The following TRMT6 variants were observed in gnomAD, a reference collection of about 807,000 sequenced individuals.
TRMT6 encodes the protein tRNA methyltransferase 6 non-catalytic subunit, also known as tRNA (adenine(58)-N(1))-methyltransferase non-catalytic subunit TRM6.
In TRMT6, 34 loss-of-function variants were observed where a neutral mutation model predicts 59.0. The ratio of observed to expected loss-of-function variants is 0.58; its 90% CI spans 0.44 to 0.77. The LOEUF is 0.77. TRMT6 is among the 30% of genes least tolerant of loss of function. The pLI is 0.00. For missense variants in TRMT6, 575 were observed against 604.5 expected, an observed-to-expected ratio of 0.95 and a Z score of 0.51; for synonymous variants, 217 against 210.5, an observed-to-expected ratio of 1.03 and a Z score of -0.27.
intron 1 of TRMT6, among the ~76,000 whole-genome samples, chr20:5,948,173 G>A (rs2088724263): frequency 6.6e-6 from 1 of 152,174 alleles, no homozygotes; most frequent in South Asian, 2.1e-4. Flanking sequence ...GAGATGGGTG[G>A]GTTTACCTCT....
intron 10 of TRMT6, among the ~76,000 whole-genome samples, chr20:5,939,959 G>T (rs911758671): frequency 1.4e-4 from 22 of 152,214 alleles, no homozygotes; most frequent in Non-Finnish European, 1.3e-4. Context: ...ACCTCCAGCT[G>T]CCGCTCCTTT....
At chr20:5,944,086 T>C in intron 4 of TRMT6, 55 bp from the exon 5 acceptor site, 2 of 1,409,270 alleles carry the variant, frequency 1.4e-6, no homozygotes, top group Non-Finnish European at 1.9e-6. Flanking sequence ...AAATATTTTA[T>C]TTGTAATAAA....
At chr20:5,944,282 T>C in intron 3 of TRMT6, 29 bp from the exon 4 acceptor site, 1 of 1,369,138 alleles carries the variant, frequency 7.3e-7, no homozygotes, top group Non-Finnish European at 1.0e-6. Context: ...GTAGATTTTC[T>C]GAAACTTTAC....
rs1431055208 is a variant in TRMT6, at chr20:5,946,440, T to TA, written c.221dup (p.Gln75ThrfsTer14). 1.9e-6 allele frequency: 3 copies of TA among 1,614,064 alleles called. No homozygotes were observed. The highest frequency in any genetic ancestry group is 2.5e-6 in the Non-Finnish European group (3 of 1,180,038). ...GCTCTTCCCTCTTCTTCTTGGGCTG[T>TA]AGACTTCCTCCACTGGTCACTTCAA... On this transcript the variant is annotated frameshift_variant, in exon 2 of 11. Coordinates refer to ENST00000203001, the MANE Select transcript of TRMT6 (RefSeq NM_015939.5). LOFTEE classifies it high-confidence loss of function.
chr20:5,938,812 A>G (rs1462501874), intron 10 of TRMT6, 86 bp from the exon 11 acceptor site: 18 of 1,215,028 alleles, frequency 1.5e-5, no homozygotes. Flanking sequence ...CAGAATTTAA[A>G]CAACACAGGT....
intron 2 of TRMT6, among the ~76,000 whole-genome samples, chr20:5,946,089 C>T (rs1443799365): frequency 6.6e-6 from 1 of 152,214 alleles, no homozygotes; most frequent in Non-Finnish European, 1.5e-5. Flanking sequence ...ATGCTAACCA[C>T]CTCACAGCTG....
At chr20:5,941,181 G>T in intron 9 of TRMT6, 42 bp from the exon 10 acceptor site, 1 of 1,606,884 alleles carries the variant, frequency 6.2e-7, no homozygotes, top group South Asian at 1.1e-5. Context: ...TACTTCCTGG[G>T]ATGCAGTTTA....
At position 5,937,327 on chromosome 20, in the gene TRMT6, ATT is replaced by A. The variant is rs34339975; in HGVS notation, c.*1206_*1207del. 6.6e-6 allele frequency: 1 copy of A among 151,824 alleles called. No individual in the cohort carries two copies. Among genetic ancestry groups the A allele is most frequent in the South Asian group, 2.1e-4 (1 of 4,820 alleles). 9.4% of individuals were successfully genotyped at this position (151,824 alleles called of 1,614,324 possible). A position where few individuals can be genotyped will look rare whatever the true frequency, so the allele number is the denominator to read the frequency against. On this transcript the variant is annotated 3_prime_UTR_variant, in exon 11 of 11. Coordinates refer to ENST00000203001, the MANE Select transcript of TRMT6 (RefSeq NM_015939.5). Reference sequence around the variant, plus strand: ...ATAGCACATGCTATTTGGAAAAAAAATTTTTTTTCTGAGATGTTCCTTGCTGT... The same window carrying A: ...ATAGCACATGCTATTTGGAAAAAAAATTTTTTCTGAGATGTTCCTTGCTGT...
intron 2 of TRMT6, among the ~76,000 whole-genome samples, chr20:5,945,540 C>T (rs900159020): frequency 1.8e-4 from 27 of 152,184 alleles, no homozygotes; most frequent in African/African-American, 6.3e-4. Context: ...TGCTTGTCTA[C>T]TTGATTATTT....
At chr20:5,939,204 C>T (rs1422803736) in intron 10 of TRMT6, among the ~76,000 whole-genome samples, 3 of 152,034 alleles carry the variant, frequency 2.0e-5, no homozygotes, top group Admixed American at 6.5e-5. Flanking sequence ...TAAAACTGGC[C>T]GGGAATGGTG....
chr20:5,949,591 T>C (rs573723612), intron 1 of TRMT6, among the ~76,000 whole-genome samples: 59 of 152,304 alleles, frequency 3.9e-4, no homozygotes, highest in Non-Finnish European at 1.0e-4. Flanking sequence ...TTTAGCAATT[T>C]TCCCAGCGTT....
intron 8 of TRMT6, chr20:5,941,670 C>T (rs2088657383): frequency 5.5e-6 from 3 of 541,234 alleles, no homozygotes; most frequent in South Asian, 5.1e-5. Context: ...GCCTGTATCG[C>T]AGCATTTGAG....
intron 3 of TRMT6, 152 bp from the exon 4 acceptor site, chr20:5,944,405 A>G (rs1304947583): frequency 3.9e-6 from 2 of 512,776 alleles, no homozygotes; most frequent in Non-Finnish European, 3.4e-6. Context: ...ATATTTCTAT[A>G]CTCTATTTGG....
rs2122600142 is a variant in TRMT6, at chr20:5,941,532, C to T, written c.1113-187G>A. The T allele has an allele frequency of 8.4e-6, 5 of 594,578 alleles. No individual in the cohort carries two copies. In the East Asian group the frequency reaches 1.4e-4, roughly 17 times the overall value. 36.8% of individuals were successfully genotyped at this position (594,578 alleles called of 1,614,324 possible). On this transcript the variant is annotated intron_variant, in intron 8 of 10. Coordinates refer to ENST00000203001, the MANE Select transcript of TRMT6 (RefSeq NM_015939.5). ...GCTATTTCTTTCTAGGAAACGCGAA[C>T]TAGGTTAGAAGCTCTTGTGGTACTT...
chr20:5,945,050 T>A (rs553565618), intron 2 of TRMT6, 136 bp from the exon 3 acceptor site: 2 of 641,788 alleles, frequency 3.1e-6, no homozygotes, highest in East Asian at 2.7e-5. Context: ...CATCACACTA[T>A]CCTTTCCTGC....
At chr20:5,942,301 G>C (rs1042859603) in intron 7 of TRMT6, 127 bp downstream of exon 7, 1 of 897,880 alleles carries the variant, frequency 1.1e-6, no homozygotes, top group Non-Finnish European at 1.8e-6. Context: ...ACACACACTC[G>C]TTCTCTGTTT....
rs1247922039 is a variant in TRMT6, at chr20:5,944,023, G to A, written c.467C>T (p.Ala156Val). The change falls in exon 5 of 11, where the codon GCC (alanine) becomes GTC (valine). Residue 156 changes from alanine to valine, a missense_variant. Ala to Val is a moderately conservative substitution (Grantham distance 64, BLOSUM62 0). Transcript: ENST00000203001. ...GGATGGCTTCACAACAGTAATGATGGCTTCATATCTGGGGGAAGAAAAAAC... is the reference window on the plus strand; with the variant it reads ...GGATGGCTTCACAACAGTAATGATGACTTCATATCTGGGGGAAGAAAAAAC... Reference protein sequence around the residue: ...YIKKKKKKYEAIITVVKPSTR... With the variant: ...YIKKKKKKYEVIITVVKPSTR... The A allele has an allele frequency of 6.3e-7, 1 of 1,589,412 alleles. No individual in the cohort carries two copies. The highest frequency in any genetic ancestry group is 8.6e-7 in the Non-Finnish European group (1 of 1,168,184).
At chr20:5,942,988 TAGC>T (rs2088671954) in intron 6 of TRMT6, among the ~76,000 whole-genome samples, 1 of 152,172 alleles carries the variant, frequency 6.6e-6, no homozygotes, top group East Asian at 1.9e-4. Flanking sequence ...CTAAAGCAGA[TAGC>T]AGGAAGACTC....
intron 1 of TRMT6, among the ~76,000 whole-genome samples, chr20:5,949,118 C>G (rs1027693935): frequency 6.6e-6 from 1 of 151,070 alleles, no homozygotes; most frequent in Non-Finnish European, 1.5e-5. Context: ...TTTGGGAGGC[C>G]GAGGCGGGTG....
Sources: gnomAD v4.1 joint callset for allele counts (sites outside exome capture counted in the v4.1 genomes callset) on GRCh38, gnomAD v4.1.1 for gene constraint, MANE v1.5 for transcripts, NCBI Gene and HGNC (gene_info 2026-07-23, HGNC 2026-07-21) for gene names.